FOXP1: variants seen among roughly 807,000 people sequenced by gnomAD.
FOXP1 encodes the protein forkhead box protein P1.
A neutral mutation model predicts 98.2 loss-of-function variants in FOXP1; 15 were observed. That is an observed-to-expected ratio of 0.15 (90% confidence interval 0.10 to 0.24). The LOEUF is 0.24. Ranked by LOEUF, FOXP1 falls within the 10% of genes least tolerant of loss-of-function variation. FOXP1 has a pLI of 1.00. For missense variants in FOXP1, 633 were observed against 848.5 expected (o/e 0.75, Z 3.15); for synonymous variants, 371 against 314.5 (o/e 1.18, Z -1.90).
chr3:71,128,105 G>C (rs762725132), intron 6 of FOXP1, among the ~76,000 whole-genome samples: 1 of 152,166 alleles, frequency 6.6e-6, no homozygotes, highest in Non-Finnish European at 1.5e-5. Flanking sequence ...TTTCAGTTGT[G>C]ATTTATAGGT....
chr3:71,481,877 T>C (rs921247608), intron 3 of FOXP1, among the ~76,000 whole-genome samples: 1 of 152,290 alleles, frequency 6.6e-6, no homozygotes, highest in African/African-American at 2.4e-5. Context: ...CTCGATGCTA[T>C]TTTCTACCTA....
chr3:71,098,998 C>A (rs2056724020), intron 7 of FOXP1, among the ~76,000 whole-genome samples: 1 of 152,150 alleles, frequency 6.6e-6, no homozygotes, highest in South Asian at 2.1e-4. Flanking sequence ...ACAGATGTTA[C>A]TCAGCTAATA....
At chr3:70,976,888 A>C in intron 17 of FOXP1, 53 bp downstream of exon 17, 1 of 1,315,516 alleles carries the variant, frequency 7.6e-7, no homozygotes, top group Non-Finnish European at 1.1e-6. Flanking sequence ...ATCAACAACA[A>C]ACTGTTCTAT....
chr3:70,988,141 A>G, intron 13 of FOXP1, 64 bp from the exon 14 acceptor site: 2 of 1,343,830 alleles, frequency 1.5e-6, no homozygotes, highest in South Asian at 1.2e-5. Context: ...AACACCAAAA[A>G]TGATACATAT....
chr3:71,055,027 AT>A (rs2050429467), intron 7 of FOXP1, among the ~76,000 whole-genome samples: 1 of 152,242 alleles, frequency 6.6e-6, no homozygotes, highest in South Asian at 2.1e-4. Flanking sequence ...GAATTAAAAA[AT>A]CTTTCAGGGG....
chr3:71,472,728 T>A (rs950043876), intron 3 of FOXP1, among the ~76,000 whole-genome samples: 1 of 152,204 alleles, frequency 6.6e-6, no homozygotes, highest in African/African-American at 2.4e-5. Flanking sequence ...ATAAGAGAAG[T>A]AGATTAGAAT....
chr3:71,049,320 G>T (rs1195785070), intron 9 of FOXP1, among the ~76,000 whole-genome samples: 1 of 151,996 alleles, frequency 6.6e-6, no homozygotes, highest in Non-Finnish European at 1.5e-5. Context: ...TACCTCACCC[G>T]CACAGGATGG....
chr3:71,352,786 A>G (rs2077885512), intron 4 of FOXP1, among the ~76,000 whole-genome samples: 1 of 152,130 alleles, frequency 6.6e-6, no homozygotes, highest in Non-Finnish European at 1.5e-5. Flanking sequence ...TTAGGGTTAG[A>G]TTTTTCATGA....
At chr3:71,532,341 C>A (rs1224970973) in intron 2 of FOXP1, among the ~76,000 whole-genome samples, 1 of 152,146 alleles carries the variant, frequency 6.6e-6, no homozygotes, top group African/African-American at 2.4e-5. Context: ...AAGCGATCTG[C>A]CTACTTCGGC....
At chr3:71,017,814 C>T (rs1049713737) in intron 11 of FOXP1, among the ~76,000 whole-genome samples, 1 of 152,114 alleles carries the variant, frequency 6.6e-6, no homozygotes, top group Non-Finnish European at 1.5e-5. Flanking sequence ...TGACTGCTAC[C>T]AGAAGATACA....
At chr3:71,319,328 T>C (rs1195294582) in intron 4 of FOXP1, among the ~76,000 whole-genome samples, 6 of 152,156 alleles carry the variant, frequency 3.9e-5, no homozygotes, top group Non-Finnish European at 8.8e-5. Flanking sequence ...CATAAATATA[T>C]GATCGAGCCT....
chr3:70,987,536 C>T (rs1361895931), intron 14 of FOXP1, among the ~76,000 whole-genome samples: 1 of 152,210 alleles, frequency 6.6e-6, no homozygotes, highest in African/African-American at 2.4e-5. Context: ...TGTCTTTCCT[C>T]TGTTAAGAGT....
At chr3:71,012,619 T>G (rs958369556) in intron 12 of FOXP1, among the ~76,000 whole-genome samples, 7 of 152,148 alleles carry the variant, frequency 4.6e-5, no homozygotes, top group Admixed American at 1.3e-4. Flanking sequence ...AAATTTATAT[T>G]CACCAAAACT....
At chr3:71,075,646 C>G (rs1478624714) in intron 7 of FOXP1, among the ~76,000 whole-genome samples, 2 of 152,134 alleles carry the variant, frequency 1.3e-5, no homozygotes, top group Non-Finnish European at 2.9e-5. Flanking sequence ...CAGTTCATCA[C>G]TTGCATGTGG....
chr3:71,312,332 A>G (rs1409031597), intron 4 of FOXP1, among the ~76,000 whole-genome samples: 1 of 152,208 alleles, frequency 6.6e-6, no homozygotes, highest in African/African-American at 2.4e-5. Context: ...TCTATCATAT[A>G]AGGCAGCAGG....
chr3:71,067,729 A>AAACACACACACAC (rs1257302897), intron 7 of FOXP1, among the ~76,000 whole-genome samples: 1 of 11,190 alleles, frequency 8.9e-5, no homozygotes, highest in Non-Finnish European at 3.1e-4. Context: ...CGTCTCCAAA[A>AAACACACACACAC]ATACACACAC....
rs77532780 is a variant in FOXP1 at position 71,097,376 on chromosome 3, A to T, written c.282+15160T>A. 3.1e-3 allele frequency among the ~76,000 whole-genome samples: 474 copies of T among 152,352 alleles called. 7 individuals carry two copies. Among genetic ancestry groups the T allele is most frequent in the African/African-American group, 0.011 (463 of 41,582 alleles). ...TGGATACTTTTACATGACAAAAAAC[A>T]GAGTAAGTAGTTGCCACAGAGACAG... On this transcript the variant is annotated intron_variant, in intron 7 of 20. Transcript: ENST00000649528.
chr3:71,048,577 G>T (rs2049366082), intron 9 of FOXP1, among the ~76,000 whole-genome samples: 1 of 151,922 alleles, frequency 6.6e-6, no homozygotes, highest in Non-Finnish European at 1.5e-5. Flanking sequence ...AAAAGCCAGT[G>T]TTTTCATTTT....
At chr3:71,479,553 C>A (rs1265880517) in intron 3 of FOXP1, among the ~76,000 whole-genome samples, 1 of 151,776 alleles carries the variant, frequency 6.6e-6, no homozygotes, top group African/African-American at 2.4e-5. Context: ...GTGGCGGACG[C>A]CTGTAATCCC....
Sources: allele counts gnomAD v4.1 joint callset (sites outside exome capture counted in the v4.1 genomes callset), GRCh38; gene constraint gnomAD v4.1.1; transcripts MANE v1.5; gene names NCBI Gene and HGNC (gene_info 2026-07-23, HGNC 2026-07-21).